Variants in IMMP2L observed in about 807,000 individuals in gnomAD.
IMMP2L encodes mitochondrial inner membrane protease subunit 2.
A neutral mutation model predicts 19.3 loss-of-function variants in IMMP2L; 18 were observed. The ratio of observed to expected loss-of-function variants is 0.93; its 90% CI spans 0.64 to 1.38. The LOEUF (loss-of-function observed/expected upper bound fraction) is 1.38. IMMP2L is among the 40% of genes most tolerant of loss of function. The probability of loss-of-function intolerance (pLI) is 0.00; values close to 1 mark genes in which losing one functional copy is unlikely to be tolerated. For missense variants in IMMP2L, 233 were observed against 218.2 expected, an observed-to-expected ratio of 1.07 and a Z score of -0.43; for synonymous variants, 76 against 73.0, an observed-to-expected ratio of 1.04 and a Z score of -0.21.
intron 3 of IMMP2L, among the ~76,000 whole-genome samples, chr7:111,374,078 C>A (rs961580427): frequency 6.6e-6 from 1 of 151,974 alleles, no homozygotes; most frequent in Non-Finnish European, 1.5e-5. Flanking sequence ...AAAAGCCAAG[C>A]CTTCATCATG....
intron 3 of IMMP2L, among the ~76,000 whole-genome samples, chr7:111,395,203 C>T (rs1832747889): frequency 6.6e-6 from 1 of 152,150 alleles, no homozygotes; most frequent in Admixed American, 6.5e-5. Flanking sequence ...TCAGACAGAG[C>T]AGGTGTGGCC....
intron 3 of IMMP2L, among the ~76,000 whole-genome samples, chr7:111,317,911 T>C (rs1824279478): frequency 1.3e-5 from 2 of 152,190 alleles, no homozygotes; most frequent in African/African-American, 2.4e-5. Context: ...TTATAGATTC[T>C]ACATGGTCTC....
At chr7:110,811,510 G>C (rs959732313) in intron 5 of IMMP2L, among the ~76,000 whole-genome samples, 1 of 152,018 alleles carries the variant, frequency 6.6e-6, no homozygotes, top group Non-Finnish European at 1.5e-5. Context: ...GTGAAGGTAA[G>C]TGTACAAACA....
chr7:111,306,039 T>C (rs1822829146), intron 3 of IMMP2L, among the ~76,000 whole-genome samples: 1 of 152,164 alleles, frequency 6.6e-6, no homozygotes. Context: ...TTTGCAAGGA[T>C]CACTTTGATA....
rs768234526 is a variant in IMMP2L, at chr7:110,663,688, G to C, written c.442C>G (p.His148Asp). 18 of 1,600,888 alleles carry C rather than the reference G, an allele frequency of 1.1e-5. No individual in the cohort carries two copies. Among genetic ancestry groups the C allele is most frequent in the Admixed American group, 3.4e-5 (2 of 58,820 alleles). Reference sequence around the variant, plus strand: ...CAGCGCTCTGGGGGCCACAGGATATGTGTGGCATGGGCATGCAGAAGTCCT... The same window carrying C: ...CAGCGCTCTGGGGGCCACAGGATATCTGTGGCATGGGCATGCAGAAGTCCT... ...SLGLLHAHAT[H>D]ILWPPERWQK... The change falls in exon 6 of 6, where the codon CAT becomes GAT. Residue 148 changes from histidine to aspartate, a missense_variant. Physicochemically the swap from His to Asp is moderately conservative, Grantham distance 81. Coordinates refer to ENST00000405709, the MANE Select transcript of IMMP2L (RefSeq NM_032549.4).
intron 3 of IMMP2L, among the ~76,000 whole-genome samples, chr7:111,040,746 TAAACCTTATA>T (rs926426816): frequency 2.7e-5 from 4 of 148,994 alleles, no homozygotes; most frequent in Non-Finnish European, 4.5e-5. Context: ...TAAAATCTTA[TAAACCTTATA>T]AAACCTTATA....
intron 3 of IMMP2L, among the ~76,000 whole-genome samples, chr7:111,310,923 A>C (rs1823445484): frequency 6.6e-6 from 1 of 152,194 alleles, no homozygotes; most frequent in East Asian, 1.9e-4. Flanking sequence ...ATGGTTTCTA[A>C]CGCCTATTCT....
At chr7:111,085,499 T>G (rs1480378487) in intron 3 of IMMP2L, among the ~76,000 whole-genome samples, 1 of 152,246 alleles carries the variant, frequency 6.6e-6, no homozygotes, top group Admixed American at 6.5e-5. Context: ...AGGTGTTTTT[T>G]GACTTTTTTA....
At chr7:111,487,587 A>T (rs1460255563) in intron 2 of IMMP2L, among the ~76,000 whole-genome samples, 1 of 152,176 alleles carries the variant, frequency 6.6e-6, no homozygotes, top group East Asian at 1.9e-4. Flanking sequence ...TAGACATTAA[A>T]ATCTTTAGTA....
At chr7:111,501,350 G>C (rs1563277048) in intron 2 of IMMP2L, among the ~76,000 whole-genome samples, 1 of 152,168 alleles carries the variant, frequency 6.6e-6, no homozygotes, top group Non-Finnish European at 1.5e-5. Flanking sequence ...CGTCTGATTG[G>C]TGTACCTGAA....
intron 3 of IMMP2L, among the ~76,000 whole-genome samples, chr7:111,167,509 A>G (rs1805954798): frequency 6.6e-6 from 1 of 151,938 alleles, no homozygotes; most frequent in African/African-American, 2.4e-5. Flanking sequence ...GGTGCCCCTC[A>G]GCTTCAAACC....
intron 4 of IMMP2L, among the ~76,000 whole-genome samples, chr7:110,896,652 T>TGAACTTGTTAAGTATA (rs1162118916): frequency 3.6e-5 from 1 of 27,438 alleles, no homozygotes. Context: ...GGTATTTTCG[T>TGAACTTGTTAAGTATA]ATGTTATTTT....
intron 3 of IMMP2L, among the ~76,000 whole-genome samples, chr7:111,294,541 A>G (rs1192217006): frequency 1.3e-5 from 2 of 151,894 alleles, no homozygotes; most frequent in African/African-American, 4.8e-5. Flanking sequence ...CATAATTTAA[A>G]CACGAATCTA....
intron 3 of IMMP2L, among the ~76,000 whole-genome samples, chr7:110,994,490 C>T (rs957212159): frequency 1.3e-5 from 2 of 152,162 alleles, no homozygotes; most frequent in Non-Finnish European, 2.9e-5. Flanking sequence ...ACTTCTAGAG[C>T]ATGCCTTTAA....
intron 3 of IMMP2L, among the ~76,000 whole-genome samples, chr7:110,991,063 C>T (rs1822399322): frequency 6.6e-6 from 1 of 152,116 alleles, no homozygotes; most frequent in Non-Finnish European, 1.5e-5. Context: ...ACTGGATTAG[C>T]ACAAATCCTA....
At chr7:110,735,699 C>CAA in intron 5 of IMMP2L, among the ~76,000 whole-genome samples, 1 of 146,766 alleles carries the variant, frequency 6.8e-6, no homozygotes, top group South Asian at 2.2e-4. Flanking sequence ...CACACACACA[C>CAA]ACACACACAC....
chr7:111,320,518 G>A (rs1035834757), intron 3 of IMMP2L, among the ~76,000 whole-genome samples: 1 of 151,810 alleles, frequency 6.6e-6, no homozygotes, highest in African/African-American at 2.4e-5. Context: ...AACATTTTAG[G>A]AACAACCCAC....
chr7:111,543,887 C>T lies in IMMP2L; in HGVS notation c.-3+17964G>A, dbSNP rs142319644. On this transcript the variant is annotated intron_variant, in intron 1 of 5. Coordinates refer to ENST00000405709, the MANE Select transcript of IMMP2L (RefSeq NM_032549.4). ...TCTTCAGACTTTTTTCCGCACATCT[C>T]CTAGCAGGAGAGAAAAATTAGCAAA... Among the ~76,000 whole-genome samples the T allele has an allele frequency of 6.6e-3, 1,005 of 152,186 alleles. 16 individuals are homozygous for T. Among genetic ancestry groups the T allele is most frequent in the Non-Finnish European group, 5.0e-3 (337 of 68,004 alleles).
intron 3 of IMMP2L, among the ~76,000 whole-genome samples, chr7:111,479,587 AATT>A (rs1433141403): frequency 6.6e-6 from 1 of 152,116 alleles, no homozygotes; most frequent in Non-Finnish European, 1.5e-5. Context: ...ATTTTGTTGT[AATT>A]ATTATGTAAA....
Sources: allele counts gnomAD v4.1 joint callset (sites outside exome capture counted in the v4.1 genomes callset), GRCh38; gene constraint gnomAD v4.1.1; transcripts MANE v1.5; gene names NCBI Gene and HGNC (gene_info 2026-07-23, HGNC 2026-07-21).